Variants in ADGRD2 observed in about 807,000 individuals in gnomAD.
The protein encoded by ADGRD2 is adhesion G protein-coupled receptor D2.
A neutral mutation model predicts 44.4 loss-of-function variants in ADGRD2; 71 were observed. The observed-to-expected ratio is 1.60, with a 90% confidence interval of 1.32 to 1.95. The LOEUF (loss-of-function observed/expected upper bound fraction) is 1.95. Among genes scored for constraint, ADGRD2 ranks in the 30% most tolerant of loss-of-function variants. The probability of loss-of-function intolerance (pLI) is 0.00; values close to 1 mark genes in which losing one functional copy is unlikely to be tolerated. For missense variants in ADGRD2, 1,039 were observed against 512.4 expected, an observed-to-expected ratio of 2.03 and a Z score of -9.92; for synonymous variants, 481 against 224.8, an observed-to-expected ratio of 2.14 and a Z score of -10.19.
intron 12 of ADGRD2, 124 bp from the exon 16 acceptor site, chr9:124,467,964 C>G: frequency 1.4e-6 from 1 of 702,128 alleles, no homozygotes; most frequent in Non-Finnish European, 2.7e-6. Flanking sequence ...GTGCTGGGTC[C>G]CCTGTGGAGC....
exon 2 of ADGRD2, chr9:124,452,587 C>A (rs369092822): frequency 4.2e-5 from 30 of 718,410 alleles, no homozygotes; most frequent in Non-Finnish European, 7.3e-5. Flanking sequence ...GAGCTGGTGG[C>A]AGGCCCAAGA....
At position 124,454,039 on chromosome 9, in the gene ADGRD2, C is replaced by T. The variant is rs1160762928; in HGVS notation, c.966C>T (p.Arg322=). The T allele has an allele frequency of 1.4e-6, 1 of 714,058 alleles. No homozygotes were observed. Among genetic ancestry groups the T allele is most frequent in the Non-Finnish European group, 2.6e-6 (1 of 383,670 alleles). The allele number at this position is 714,058 out of a possible 1,614,324, so 44.2% of individuals were successfully genotyped here. The change falls in exon 4 of 22, where the codon CGC becomes CGT. Residue 322 remains arginine, a synonymous_variant. Coordinates refer to ENST00000334810, the Ensembl canonical transcript of ADGRD2. This position sits in a 1 kb window ranked among gnomAD's most constrained non-coding sequence, Gnocchi z 4.5. ...GCCCTACGTGGAACCCGGGACCTCG[C>T]AGTGAGGGCTCTGAGCTCTGCCTGG... is the stretch of plus-strand genomic sequence containing the variant.
exon 10 of ADGRD2, chr9:124,458,618 T>C (rs373511507): frequency 2.5e-5 from 18 of 718,672 alleles, no homozygotes; most frequent in African/African-American, 2.3e-4. Context: ...TCCCACAGGT[T>C]CCTAAGCACC....
At chr9:124,460,554 A>G (rs1279314830) in intron 10 of ADGRD2, among the ~76,000 whole-genome samples, 4 of 150,172 alleles carry the variant, frequency 2.7e-5, no homozygotes, top group African/African-American at 9.8e-5. Context: ...TGTAAATGGA[A>G]TCATCTAGTA....
intron 21 of ADGRD2, 84 bp downstream of exon 24, chr9:124,476,793 T>C: frequency 1.5e-6 from 1 of 671,490 alleles, no homozygotes; most frequent in Non-Finnish European, 2.7e-6. Context: ...ATGGAAGTGA[T>C]TTCAAATTAA....
intron 2 of ADGRD2, 104 bp from the exon 6 acceptor site, chr9:124,452,931 G>A: frequency 3.3e-6 from 2 of 604,756 alleles, no homozygotes; most frequent in Non-Finnish European, 5.9e-6. Context: ...GAGGTGGGGA[G>A]GCATCCCAAA....
chr9:124,453,822 A>G (rs1831557283), intron 3 of ADGRD2, 146 bp downstream of exon 6: 3 of 605,870 alleles, frequency 5.0e-6, no homozygotes, highest in African/African-American at 1.9e-5. Context: ...GCTCCAGCAT[A>G]AACCTGGTCC....
At chr9:124,476,636 G>A (rs1186546351) in intron 20 of ADGRD2, 43 bp from the exon 24 acceptor site, 2 of 690,262 alleles carry the variant, frequency 2.9e-6, no homozygotes, top group East Asian at 5.4e-5. Flanking sequence ...AGGGGCAGCA[G>A]AAGGAGTGGG....
Position 124,471,140 on chromosome 9 carries a change from C to T in ADGRD2, c.2758+526C>T, listed in dbSNP as rs116634840. ...CCACAGGGAGAGGGCCAACTAGGTC[C>T]CTCTCGGGGGATTGGCAGGTCTGTG... On this transcript the variant is annotated intron_variant, in intron 17 of 21. Transcript: ENST00000334810. Among the ~76,000 whole-genome samples the T allele has an allele frequency of 2.2e-3, 333 of 152,216 alleles. 3 individuals carry two copies. Among genetic ancestry groups the T allele is most frequent in the African/African-American group, 7.6e-3 (314 of 41,544 alleles).
intron 21 of ADGRD2, among the ~76,000 whole-genome samples, chr9:124,477,867 C>T (rs895104633): frequency 8.0e-5 from 12 of 150,156 alleles, no homozygotes; most frequent in Non-Finnish European, 1.5e-4. Context: ...GGCGCCTCTG[C>T]GCTCAAGTGA....
At chr9:124,453,856 G>A (rs1348373747) in intron 3 of ADGRD2, 143 bp from the exon 7 acceptor site, 1 of 595,826 alleles carries the variant, frequency 1.7e-6, no homozygotes, top group Non-Finnish European at 3.0e-6. Context: ...GTCTGCGCTC[G>A]TCCCCCGGCC....
chr9:124,453,327 T>C, exon 3 of ADGRD2: 1 of 500,492 alleles, frequency 2.0e-6, no homozygotes, highest in East Asian at 3.6e-5. Context: ...GCTGGCACCA[T>C]GTGTGCGCCA....
intron 10 of ADGRD2, among the ~76,000 whole-genome samples, chr9:124,459,214 G>A (rs892230168): frequency 5.3e-5 from 8 of 152,178 alleles, no homozygotes; most frequent in Non-Finnish European, 1.2e-4. Flanking sequence ...TTGTAGGTCC[G>A]GGCACGGTGG....
chr9:124,474,978 C>T (rs560911115), intron 17 of ADGRD2, among the ~76,000 whole-genome samples: 1 of 152,330 alleles, frequency 6.6e-6, no homozygotes, highest in South Asian at 2.1e-4. Flanking sequence ...CCTCATCTCC[C>T]CTTTCCAGAT....
chr9:124,455,832 C>T (rs994105356), intron 6 of ADGRD2, among the ~76,000 whole-genome samples: 3 of 152,100 alleles, frequency 2.0e-5, no homozygotes, highest in Non-Finnish European at 4.4e-5. Context: ...AAGTGGCTGT[C>T]GGCCTGGGAG....
At chr9:124,475,304 G>A (rs982399707) in intron 17 of ADGRD2, 142 bp from the exon 21 acceptor site, 6 of 588,002 alleles carry the variant, frequency 1.0e-5, no homozygotes, top group East Asian at 9.0e-5. Flanking sequence ...GGGCAGGGCC[G>A]ACTTCGTGCC....
chr9:124,465,520 T>A (rs1831803645), intron 10 of ADGRD2: 1 of 151,986 alleles, frequency 6.6e-6, no homozygotes, highest in Non-Finnish European at 1.5e-5. Context: ...CCCAACTAAT[T>A]TTTGTATTTT....
At chr9:124,473,724 G>A (rs1012669923) in intron 17 of ADGRD2, among the ~76,000 whole-genome samples, 4 of 152,236 alleles carry the variant, frequency 2.6e-5, no homozygotes, top group African/African-American at 7.2e-5. Flanking sequence ...GACTGAGGCC[G>A]AGAGACAAGG....
rs1451517902 is a variant in ADGRD2 at position 124,466,473 on chromosome 9, A to G, written c.2026+60A>G. ...GGCTTCTTAGCTGGAGGTGAAGAGAAGAGCCAATAGGTAGCCAGAAGAAGC... is the reference window on the plus strand; with the variant it reads ...GGCTTCTTAGCTGGAGGTGAAGAGAGGAGCCAATAGGTAGCCAGAAGAAGC... On this transcript the variant is annotated intron_variant, in intron 11 of 21. Coordinates refer to ENST00000334810, the Ensembl canonical transcript of ADGRD2. 1.1e-4 allele frequency: 69 copies of G among 623,654 alleles called. 1 individual carries two copies. The East Asian group carries it at 2.0e-3, about 18-fold the overall frequency. 38.6% of individuals were successfully genotyped at this position (623,654 alleles called of 1,614,324 possible). A position where few individuals can be genotyped will look rare whatever the true frequency, so the allele number is the denominator to read the frequency against.
Sources: gnomAD v4.1 joint callset for allele counts (sites outside exome capture counted in the v4.1 genomes callset) on GRCh38, gnomAD v4.1.1 for gene constraint, Gnocchi (gnomAD v3.1) non-coding constraint, MANE v1.5 for transcripts, NCBI Gene and HGNC (gene_info 2026-07-23, HGNC 2026-07-21) for gene names.